N4BP2L2: variants seen among roughly 807,000 people sequenced by gnomAD.
The protein encoded by N4BP2L2 is NEDD4-binding protein 2-like 2.
In N4BP2L2, 50 loss-of-function variants were observed where a neutral mutation model predicts 56.2. That is an observed-to-expected ratio of 0.89 (90% CI 0.71 to 1.13). The LOEUF is 1.13. Among genes scored for constraint, N4BP2L2 ranks in the 50% most tolerant of loss-of-function variants. The pLI is 0.00. For missense variants in N4BP2L2, 689 were observed against 693.8 expected (o/e 0.99, Z 0.08); for synonymous variants, 203 against 223.6 (o/e 0.91, Z 0.82).
At chr13:32,519,208 A>G (rs2050082521) in intron 5 of N4BP2L2, among the ~76,000 whole-genome samples, 1 of 151,106 alleles carries the variant, frequency 6.6e-6, no homozygotes. Context: ...GGAGTTCAAG[A>G]GCCCAGTGTA....
intron 6 of N4BP2L2, among the ~76,000 whole-genome samples, chr13:32,495,987 C>A (rs187082629): frequency 6.6e-6 from 1 of 152,172 alleles, no homozygotes; most frequent in Admixed American, 6.6e-5. Flanking sequence ...CCCGCCGGTG[C>A]CTTTTGACTC....
At chr13:32,461,879 T>C (rs938621384) in intron 6 of N4BP2L2, among the ~76,000 whole-genome samples, 3 of 152,158 alleles carry the variant, frequency 2.0e-5, no homozygotes, top group South Asian at 4.1e-4. Context: ...TGCCATTGTA[T>C]GTGTGAGCCA....
downstream of N4BP2L2, chr13:32,509,256 A>G (rs1403124761): frequency 1.3e-5 from 2 of 152,204 alleles, no homozygotes; most frequent in African/African-American, 4.8e-5. Context: ...ATGATGCTCA[A>G]AGAAAATGTT....
chr13:32,538,342 T>C (rs1346614649), intron 1 of N4BP2L2, among the ~76,000 whole-genome samples: 1 of 152,106 alleles, frequency 6.6e-6, no homozygotes, highest in East Asian at 1.9e-4. Context: ...AGCAACCGGG[T>C]TGCGTTAATA....
intron 6 of N4BP2L2, among the ~76,000 whole-genome samples, chr13:32,483,972 G>A (rs1269982691): frequency 3.5e-4 from 47 of 133,134 alleles, no homozygotes; most frequent in African/African-American, 1.2e-3. Flanking sequence ...CAACAAGAGC[G>A]AAACTCCATC....
chr13:32,456,955 T>C (rs2079078523), intron 6 of N4BP2L2, among the ~76,000 whole-genome samples: 1 of 152,024 alleles, frequency 6.6e-6, no homozygotes, highest in African/African-American at 2.4e-5. Context: ...GGCCAAAGCA[T>C]GGCGAAACCC....
chr13:32,432,833 T>C (rs2075000385), exon 10 of N4BP2L2: 1 of 152,226 alleles, frequency 6.6e-6, no homozygotes. Context: ...TTATCAAGAA[T>C]GGTTGAACAG....
chr13:32,453,815 C>G (rs1051026583), intron 6 of N4BP2L2, among the ~76,000 whole-genome samples: 2 of 152,214 alleles, frequency 1.3e-5, no homozygotes, highest in African/African-American at 4.8e-5. Flanking sequence ...TTGCTGGTGA[C>G]TCTGAGCTCA....
At chr13:32,508,387 T>TA (rs1471071577), downstream of N4BP2L2, 1 of 152,086 alleles carries the variant, frequency 6.6e-6, no homozygotes, top group Non-Finnish European at 1.5e-5. Context: ...AGGTTGAAGT[T>TA]AGAGAGAAGG....
intron 8 of N4BP2L2, among the ~76,000 whole-genome samples, chr13:32,438,460 G>A (rs1289146900): frequency 1.3e-5 from 2 of 152,216 alleles, no homozygotes; most frequent in East Asian, 3.8e-4. Context: ...CTGGCCAGGT[G>A]TGGTGGCACA....
At chr13:32,492,273 ATTTTTTTTTTT>A (rs72053635) in intron 6 of N4BP2L2, among the ~76,000 whole-genome samples, 11 of 72,128 alleles carry the variant, frequency 1.5e-4, no homozygotes, top group South Asian at 5.9e-4. Flanking sequence ...AAACACCAAA[ATTTTTTTTTTT>A]TTTTTTTTTT....
chr13:32,527,256 AC>A, intron 3 of N4BP2L2, 151 bp downstream of exon 3: 1 of 741,860 alleles, frequency 1.3e-6, no homozygotes, highest in Non-Finnish European at 2.1e-6. Flanking sequence ...AATTATCACC[AC>A]CTCTAACAGA....
At position 32,535,916 on chromosome 13, in the gene N4BP2L2, C is replaced by G. The variant is rs1267159521; in HGVS notation, c.1112G>C (p.Arg371Thr). The G allele has an allele frequency of 2.5e-6, 4 of 1,614,024 alleles. No homozygotes were observed. In the Admixed American group the frequency reaches 6.7e-5, roughly 27 times the overall value. The change falls in exon 2 of 6, where the codon AGA becomes ACA. Residue 371 changes from arginine (R) to threonine (T), a missense_variant. Transcript: ENST00000267068. The stretch of plus-strand genomic sequence containing the variant: ...GTCCATACAATGATCTTTCCAGCAT[C>G]TTTCTCTGACTTCACAGAAACCATT...
rs183928597 is a variant in N4BP2L2 at position 32,478,091 on chromosome 13, C to A, written c.366-33965G>T. 6.3e-6 allele frequency: 8 copies of A among 1,277,116 alleles called. No homozygotes were observed. The African/African-American group carries it at 9.1e-5, about 15-fold the overall frequency. The allele number at this position is 1,277,116 out of a possible 1,614,324, so 79.1% of individuals were successfully genotyped here. On this transcript the variant is annotated intron_variant, in intron 6 of 9. Coordinates refer to the N4BP2L2 transcript ENST00000357505. ...AATATATTCAGGCCCAGCTTATACA[C>A]TGGAATGAAGATATGCATTATAAAG...
At chr13:32,463,382 G>A (rs146883763) in intron 6 of N4BP2L2, among the ~76,000 whole-genome samples, 119 of 152,242 alleles carry the variant, frequency 7.8e-4, no homozygotes, top group African/African-American at 2.7e-3. Context: ...AGGGCACATA[G>A]GCCAGGTGGG....
chr13:32,499,259 C>T (rs1044952286), intron 6 of N4BP2L2, among the ~76,000 whole-genome samples: 5 of 152,156 alleles, frequency 3.3e-5, no homozygotes, highest in Admixed American at 1.3e-4. Flanking sequence ...CCCACAGCTA[C>T]GCATTCATGC....
Position 32,536,468 on chromosome 13 carries a change from TC to T in N4BP2L2, c.559del (p.Asp187MetfsTer29). The T allele has an allele frequency of 6.2e-7, 1 of 1,612,842 alleles. No individual in the cohort carries two copies. The highest frequency in any genetic ancestry group is 8.5e-7 in the Non-Finnish European group (1 of 1,179,730). The stretch of plus-strand genomic sequence containing the variant: ...TTCTTTACAACTGTTCTCAAAACCA[TC>T]TTTTTCCTTTTCAAGCTCTTCAATT... On this transcript the variant is annotated frameshift_variant, in exon 2 of 6. Coordinates refer to ENST00000267068, the Ensembl canonical transcript of N4BP2L2. LOFTEE classifies it high-confidence loss of function.
intron 6 of N4BP2L2, among the ~76,000 whole-genome samples, chr13:32,457,688 T>G (rs557550318): frequency 6.1e-4 from 93 of 152,262 alleles, no homozygotes; most frequent in African/African-American, 2.0e-3. Context: ...ACTGAGGCAA[T>G]TCATCACGAC....
At chr13:32,437,335 T>G (rs998262022) in intron 8 of N4BP2L2, among the ~76,000 whole-genome samples, 1 of 152,228 alleles carries the variant, frequency 6.6e-6, no homozygotes, top group African/African-American at 2.4e-5. Context: ...ATGAGTCTAC[T>G]TTGCCCATAG....
Sources: allele counts gnomAD v4.1 joint callset (sites outside exome capture counted in the v4.1 genomes callset), GRCh38; gene constraint gnomAD v4.1.1; transcripts MANE v1.5; gene names NCBI Gene and HGNC (gene_info 2026-07-23, HGNC 2026-07-21).